LRR1: variants seen among roughly 807,000 people sequenced by gnomAD.
The protein encoded by LRR1 is leucine-rich repeat protein 1.
LRR1 carries 29 observed loss-of-function variants against 31.6 expected under a neutral mutation model. The observed-to-expected ratio is 0.92, with a 90% CI of 0.68 to 1.25. The LOEUF (loss-of-function observed/expected upper bound fraction) is 1.25. Among genes scored for constraint, LRR1 ranks in the 50% most tolerant of loss-of-function variants. The pLI is 0.00. For synonymous variants in LRR1, 179 were observed against 181.4 expected (o/e 0.99, Z 0.10); for missense variants, 485 against 487.2 (o/e 1.00, Z 0.04).
intron 3 of LRR1, among the ~76,000 whole-genome samples, chr14:49,611,792 G>A (rs138613072): frequency 1.3e-3 from 193 of 151,962 alleles, no homozygotes; most frequent in African/African-American, 4.3e-3. Flanking sequence ...GTGTCGTGGC[G>A]GGCACCTGTA....
chr14:49,612,284 C>T (rs980732452), intron 3 of LRR1, among the ~76,000 whole-genome samples: 16 of 152,162 alleles, frequency 1.1e-4, no homozygotes, highest in African/African-American at 3.6e-4. Context: ...GTGTTTTAAG[C>T]TCCCTTGTTT....
intron 3 of LRR1, among the ~76,000 whole-genome samples, chr14:49,609,142 C>T (rs12891872): frequency 0.2 from 29,099 of 148,216 alleles, 3,120 homozygotes; most frequent in Admixed American, 0.3. Context: ...TGGTCTCGAT[C>T]TCCTGACCTC....
Position 49,599,046 on chromosome 14 carries a change from T to C in LRR1, c.26T>C (p.Val9Ala). 6.2e-7 allele frequency: 1 copy of C among 1,609,226 alleles called. No homozygotes were observed. Among genetic ancestry groups the C allele is most frequent in the Non-Finnish European group, 8.5e-7 (1 of 1,177,936 alleles). The change falls in exon 1 of 4, where the codon GTG becomes GCG. Residue 9 changes from valine to alanine, a missense_variant. Around this residue, in one of 3 missense-constraint regions of LRR1, gnomAD observed 260 missense variants for 249.6 expected, o/e 1.04. Transcript: ENST00000298288. Reference sequence around the variant, plus strand: ...ATGAAGCTACACTGTGAGGTGGAGGTGATCAGCCGGCACTTGCCCGCCTTG... The same window carrying C: ...ATGAAGCTACACTGTGAGGTGGAGGCGATCAGCCGGCACTTGCCCGCCTTG... The part of the protein sequence containing the change: MKLHCEVE[V>A]ISRHLPALGL...
rs45595136 is a variant in LRR1, at chr14:49,614,503, A to C, written c.*7A>C. 0.014 allele frequency: 21,810 copies of C among 1,613,142 alleles called. 185 individuals are homozygous for C. Among genetic ancestry groups the C allele is most frequent in the Middle Eastern group, 0.022 (133 of 6,052 alleles). On this transcript the variant is annotated 3_prime_UTR_variant, in exon 4 of 4. Coordinates refer to ENST00000298288, the MANE Select transcript of LRR1 (RefSeq NM_152329.4). ...CTCTGATATGTTAAAGTAATGGGTG[A>C]GACCAGAAAAAGAAATTTCAATAAC...
In LRR1 at chr14:49,607,047, T is replaced by G. The variant is rs968274654; in HGVS notation, c.283-353T>G. ...CTTTATTTTTGTTATTTTTTTTTTT[T>G]TTTGAGACAGTCTCACTCTGTTGCC... On this transcript the variant is annotated intron_variant, in intron 2 of 3. Coordinates refer to ENST00000298288, the MANE Select transcript of LRR1 (RefSeq NM_152329.4). 1.5e-4 allele frequency among the ~76,000 whole-genome samples: 23 copies of G among 151,790 alleles called. 1 individual carries two copies. The highest frequency in any genetic ancestry group is 4.2e-4 in the South Asian group (2 of 4,812).
At chr14:49,612,739 A>G (rs1882557944) in intron 3 of LRR1, 20 of 690,950 alleles carry the variant, frequency 2.9e-5, no homozygotes, top group Non-Finnish European at 3.7e-5. Context: ...AAAATATCTG[A>G]GCACCTATTA....
intron 2 of LRR1, among the ~76,000 whole-genome samples, chr14:49,603,828 G>A (rs1335695420): frequency 6.6e-6 from 1 of 151,180 alleles, no homozygotes. Flanking sequence ...CAGTAGCTGG[G>A]ATTACAGGCA....
rs1467104305 is a variant in LRR1 at position 49,607,941 on chromosome 14, G to A, written c.824G>A (p.Arg275His). ...AAGATAGGACAACTAATAAACCTTC[G>A]CTTTTTGTCAGCAGCTCGAAATAAG... ...PCKIGQLINL[R>H]FLSAARNKLP... The change falls in exon 3 of 4, where the codon CGC (arginine) becomes CAC (histidine). Residue 275 changes from arginine to histidine, a missense_variant. Arg to His is a conservative substitution (Grantham distance 29). Coordinates refer to ENST00000298288, the MANE Select transcript of LRR1 (RefSeq NM_152329.4). 2 of 1,613,858 alleles carry A rather than the reference G, an allele frequency of 1.2e-6. No individual in the cohort carries two copies. Among genetic ancestry groups the A allele is most frequent in the African/African-American group, 1.3e-5 (1 of 74,916 alleles).
At chr14:49,609,217 CTTTTT>C (rs746422046) in intron 3 of LRR1, among the ~76,000 whole-genome samples, 4 of 76,904 alleles carry the variant, frequency 5.2e-5, no homozygotes, top group African/African-American at 2.2e-4. Context: ...ACACCTGGCC[CTTTTT>C]TTTTTTTTTT....
chr14:49,608,333 G>C (rs966210331), intron 3 of LRR1, among the ~76,000 whole-genome samples: 1 of 144,296 alleles, frequency 6.9e-6, no homozygotes, highest in Admixed American at 7.1e-5. Context: ...GTTTTCTGCC[G>C]AAGTGTCATC....
intron 1 of LRR1, among the ~76,000 whole-genome samples, chr14:49,599,447 A>T (rs948494683): frequency 9.9e-5 from 15 of 152,052 alleles, no homozygotes; most frequent in Admixed American, 5.9e-4. Context: ...CACTTTTACG[A>T]CTTTGAATTT....
At chr14:49,606,402 G>A (rs183182530) in intron 2 of LRR1, among the ~76,000 whole-genome samples, 18 of 150,796 alleles carry the variant, frequency 1.2e-4, no homozygotes, top group Admixed American at 3.3e-4. Flanking sequence ...GCAGTGGCGC[G>A]ATCTCGGCTC....
At chr14:49,601,720 A>C in intron 1 of LRR1, 1 of 1,278,180 alleles carries the variant, frequency 7.8e-7, no homozygotes, top group Non-Finnish European at 1.0e-6. Context: ...GCATTCTCTC[A>C]AAACATGGTG....
intron 2 of LRR1, 42 bp from the exon 3 acceptor site, chr14:49,607,358 T>C: frequency 6.7e-7 from 1 of 1,500,932 alleles, no homozygotes; most frequent in African/African-American, 1.4e-5. Context: ...GTATGTATTA[T>C]CTCCAGTGGA....
At chr14:49,603,168 G>A (rs1024252897) in intron 2 of LRR1, among the ~76,000 whole-genome samples, 16 of 152,150 alleles carry the variant, frequency 1.1e-4, no homozygotes, top group African/African-American at 3.9e-4. Flanking sequence ...CTTTAAAGAA[G>A]GCTGTTTGCA....
rs966209339 is a variant in LRR1 at position 49,614,614 on chromosome 14, G to A, written c.*118G>A. The A allele has an allele frequency of 3.7e-6, 5 of 1,364,586 alleles. No individual in the cohort carries two copies. The highest frequency in any genetic ancestry group is 5.2e-6 in the Non-Finnish European group (5 of 967,488). The allele number at this position is 1,364,586 out of a possible 1,614,324, so 84.5% of individuals were successfully genotyped here. ...TGTATACTTGCTGGAGAGGAGGAATGTGTATAGTTACTCATTTAGATGACT... is the reference window on the plus strand; with the variant it reads ...TGTATACTTGCTGGAGAGGAGGAATATGTATAGTTACTCATTTAGATGACT... On this transcript the variant is annotated 3_prime_UTR_variant, in exon 4 of 4. Coordinates refer to ENST00000298288, the MANE Select transcript of LRR1 (RefSeq NM_152329.4).
rs763924712 is a variant in LRR1, at chr14:49,607,746, A to G, written c.629A>G (p.Asn210Ser). Residue 210 changes from asparagine (N) to serine (S), a missense_variant, in exon 3 of 4, where the codon AAT becomes AGT. By Grantham distance (46) the Asn-to-Ser change is conservative. Around this residue, in one of 3 missense-constraint regions of LRR1, gnomAD observed 15 missense variants for 37.2 expected, o/e 0.40. Transcript: ENST00000298288. Reference sequence around the variant, plus strand: ...CTTCAAGAACTTAACCTGAATGACAATCACTTGGAGTCATTTAGTGTAGCC... The same window carrying G: ...CTTCAAGAACTTAACCTGAATGACAGTCACTTGGAGTCATTTAGTGTAGCC... ...IHLQELNLND[N>S]HLESFSVALC... 32 of 1,612,824 alleles carry G rather than the reference A, an allele frequency of 2.0e-5. No homozygotes were observed. The highest frequency in any genetic ancestry group is 1.2e-4 in the Admixed American group (7 of 59,832).
intron 3 of LRR1, among the ~76,000 whole-genome samples, chr14:49,610,746 TAG>T (rs36041947): frequency 0.22 from 33,917 of 151,490 alleles, 4,079 homozygotes; most frequent in Admixed American, 0.3. Flanking sequence ...GTATTTTTAG[TAG>T]AGACAGGGTT....
intron 2 of LRR1, among the ~76,000 whole-genome samples, chr14:49,605,073 C>T (rs1427948207): frequency 6.6e-6 from 1 of 151,956 alleles, no homozygotes; most frequent in Non-Finnish European, 1.5e-5. Context: ...TTTTTTTGTA[C>T]TGGTAGAGAC....
Sources: allele counts gnomAD v4.1 joint callset (sites outside exome capture counted in the v4.1 genomes callset), GRCh38; gene constraint gnomAD v4.1.1; regional missense constraint gnomAD v4.1.1; transcripts MANE v1.5; gene names NCBI Gene and HGNC (gene_info 2026-07-23, HGNC 2026-07-21).